The following SREK1 variants were observed in gnomAD, a reference collection of about 807,000 sequenced individuals.
The protein encoded by SREK1 is splicing regulatory glutamic acid and lysine rich protein 1.
A neutral mutation model predicts 66.5 loss-of-function variants in SREK1; 13 were observed. The observed-to-expected ratio is 0.20, with a 90% confidence interval of 0.13 to 0.31. SREK1 has a LOEUF of 0.31. Among genes scored for constraint, SREK1 ranks in the 10% least tolerant of loss-of-function variants. The pLI is 1.00. For missense variants in SREK1, 607 were observed against 769.6 expected, an observed-to-expected ratio of 0.79 and a Z score of 2.50; for synonymous variants, 265 against 263.5, an observed-to-expected ratio of 1.01 and a Z score of -0.05.
chr5:66,162,303 A>C (rs1228500126), intron 4 of SREK1, 30 bp downstream of exon 4: 1 of 1,612,346 alleles, frequency 6.2e-7, no homozygotes, highest in East Asian at 2.2e-5. Flanking sequence ...ACAAAGCAGC[A>C]GTAGCCCTTA....
intron 11 of SREK1, among the ~76,000 whole-genome samples, chr5:66,177,927 A>G (rs1746193769): frequency 1.3e-5 from 2 of 152,100 alleles, no homozygotes; most frequent in South Asian, 4.1e-4. Context: ...AATGTATTTG[A>G]TTTTATGTAG....
chr5:66,145,071 TTATC>T lies in SREK1; in HGVS notation c.161+537_161+540del, dbSNP rs1027987028. The T allele has an allele frequency of 2.8e-5, 28 of 985,864 alleles. 1 individual carries two copies. The African/African-American group carries it at 3.5e-4, about 12-fold the overall frequency. 61.1% of individuals were successfully genotyped at this position (985,864 alleles called of 1,614,324 possible). A position where few individuals can be genotyped will look rare whatever the true frequency, so the allele number is the denominator to read the frequency against. ...GGTCGCACAAACTTAGCATTTTGGT[TTATC>T]TAACCGAGCGCATCCATGTTCCCAA... On this transcript the variant is annotated intron_variant, in intron 1 of 11. Transcript: ENST00000334121.
chr5:66,148,704 C>T (rs1044174454), intron 1 of SREK1, among the ~76,000 whole-genome samples: 6 of 151,876 alleles, frequency 4.0e-5, no homozygotes, highest in Non-Finnish European at 8.8e-5. Context: ...TTAAGCAGTC[C>T]GCCTGCTTTG....
rs948048599 is a variant in SREK1, at chr5:66,181,867, A to G, written c.*2999A>G. On this transcript the variant is annotated 3_prime_UTR_variant, in exon 12 of 12. Coordinates refer to ENST00000334121, the MANE Select transcript of SREK1 (RefSeq NM_001077199.3). The stretch of plus-strand genomic sequence containing the variant: ...TTTTGACCTGCTCAATTAAAAATAA[A>G]CACTGGCGTTTATAATGAAAAGGTT... 6 of 133,938 alleles carry G rather than the reference A, an allele frequency of 4.5e-5. No homozygotes were observed. The highest frequency in any genetic ancestry group is 1.6e-4 in the African/African-American group (6 of 36,768). 8.3% of individuals were successfully genotyped at this position (133,938 alleles called of 1,614,324 possible).
intron 6 of SREK1, 37 bp from the exon 7 acceptor site, chr5:66,164,746 T>C (rs1183131567): frequency 2.5e-6 from 4 of 1,613,698 alleles, no homozygotes; most frequent in Non-Finnish European, 3.4e-6. Context: ...CTTTAATTGT[T>C]CTGAGCTTAC....
intron 1 of SREK1, among the ~76,000 whole-genome samples, chr5:66,145,822 A>T (rs1212658215): frequency 6.7e-6 from 1 of 149,464 alleles, no homozygotes; most frequent in Non-Finnish European, 1.5e-5. Flanking sequence ...TATGCCAAGT[A>T]ATCCATGTAT....
intron 1 of SREK1, among the ~76,000 whole-genome samples, chr5:66,151,966 C>T (rs948895208): frequency 6.6e-5 from 10 of 151,404 alleles, no homozygotes; most frequent in Non-Finnish European, 8.8e-5. Context: ...CTGCCTCAGC[C>T]TCCTGAGTAG....
intron 1 of SREK1, among the ~76,000 whole-genome samples, chr5:66,150,218 A>C (rs143923693): frequency 4.7e-4 from 71 of 152,344 alleles, no homozygotes; most frequent in Non-Finnish European, 9.1e-4. Flanking sequence ...TGAGGGTTTC[A>C]CATGAGGAAA....
chr5:66,151,834 C>CTTTTTTTTTT (rs60920757), intron 1 of SREK1, among the ~76,000 whole-genome samples: 1 of 84,780 alleles, frequency 1.2e-5, no homozygotes, highest in African/African-American at 4.2e-5. Flanking sequence ...GAGGTACATC[C>CTTTTTTTTTT]TTTTTTTTTT....
Position 66,161,670 on chromosome 5 carries a change from A to G in SREK1, c.412-439A>G, listed in dbSNP as rs1027286781. ...TTCAGTGTTAATGAATCGACAATAT[A>G]TAACAGCTAAGGTGTCTTTAAACAG... On this transcript the variant is annotated intron_variant, in intron 3 of 11. Coordinates refer to ENST00000334121, the MANE Select transcript of SREK1 (RefSeq NM_001077199.3). 2.0e-5 allele frequency among the ~76,000 whole-genome samples: 3 copies of G among 152,266 alleles called. No homozygotes were observed. The East Asian group carries it at 5.8e-4, about 29-fold the overall frequency.
rs72770236 is a variant in SREK1, at chr5:66,159,313, G to C, written c.390G>C (p.Pro130=). The C allele has an allele frequency of 6.2e-7, 1 of 1,611,684 alleles. No individual in the cohort carries two copies. Among genetic ancestry groups the C allele is most frequent in the Non-Finnish European group, 8.5e-7 (1 of 1,178,994 alleles). Residue 130 remains proline, a synonymous_variant, in exon 3 of 12, where the codon CCG becomes CCC. Transcript: ENST00000334121. ...CTGGTGCAGGATTGCTTCCAATACC[G>C]ACCCCAAATCCTTTGACTACTGTAA... ...LMPGAGLLPI[P]TPNPLTTLGV...
At chr5:66,161,787 A>G (rs1412774856) in intron 3 of SREK1, among the ~76,000 whole-genome samples, 1 of 152,254 alleles carries the variant, frequency 6.6e-6, no homozygotes, top group Non-Finnish European at 1.5e-5. Flanking sequence ...TTCCCTAGGA[A>G]TAATGGTTCA....
chr5:66,164,692 C>G (rs1561506703), intron 6 of SREK1, 91 bp from the exon 7 acceptor site: 1 of 1,608,602 alleles, frequency 6.2e-7, no homozygotes, highest in Non-Finnish European at 8.5e-7. Flanking sequence ...GCCCCTTGCA[C>G]TATATGTGGT....
intron 3 of SREK1, among the ~76,000 whole-genome samples, chr5:66,161,146 GT>G (rs761704904): frequency 1.2e-4 from 19 of 152,148 alleles, no homozygotes; most frequent in Middle Eastern, 3.2e-3. Flanking sequence ...TGAGGATTAA[GT>G]TACTACCTCA....
chr5:66,149,545 G>A (rs1326746815), intron 1 of SREK1, among the ~76,000 whole-genome samples: 1 of 152,170 alleles, frequency 6.6e-6, no homozygotes, highest in East Asian at 1.9e-4. Context: ...TCCTATTCCT[G>A]TGGATGTTTT....
At chr5:66,157,778 ATAG>A (rs1350489998) in intron 2 of SREK1, 21 of 886,026 alleles carry the variant, frequency 2.4e-5, no homozygotes, top group Non-Finnish European at 2.8e-5. Context: ...AAGGTAGAAA[ATAG>A]TAGGTTTTAT....
chr5:66,154,192 A>C (rs901585457), intron 2 of SREK1, among the ~76,000 whole-genome samples: 28 of 152,250 alleles, frequency 1.8e-4, no homozygotes, highest in African/African-American at 6.8e-4. Flanking sequence ...CAATTTTCCA[A>C]AGCCTCCATG....
Position 66,162,131 on chromosome 5 carries a change from T to G in SREK1, c.434T>G (p.Leu145Trp). The G allele has an allele frequency of 6.2e-7, 1 of 1,613,506 alleles. No individual in the cohort carries two copies. The highest frequency in any genetic ancestry group is 2.2e-5 in the East Asian group (1 of 44,866). ...TAGCTTGGTGTTTCACTTAGCAGTT[T>G]GGGAGCTATACCAGCAGCAGCACTA... The part of the protein sequence containing the change: ...LTTLGVSLSS[L>W]GAIPAAALDP... The change falls in exon 4 of 12, where the codon TTG (leucine) becomes TGG (tryptophan). Residue 145 changes from leucine to tryptophan, a missense_variant. Leu to Trp is a moderately conservative substitution (Grantham distance 61). This residue lies in a region of SREK1 where 99 missense variants were observed against 186.6 expected (regional missense o/e 0.53). Coordinates refer to ENST00000334121, the MANE Select transcript of SREK1 (RefSeq NM_001077199.3).
chr5:66,161,977 C>A, intron 3 of SREK1, 132 bp from the exon 4 acceptor site: 1 of 962,038 alleles, frequency 1.0e-6, no homozygotes. Context: ...ATATATATGA[C>A]TGAAAGTTCG....
Sources: gnomAD v4.1 joint callset for allele counts (sites outside exome capture counted in the v4.1 genomes callset) on GRCh38, gnomAD v4.1.1 for gene constraint, gnomAD v4.1.1 regional missense constraint, MANE v1.5 for transcripts, NCBI Gene and HGNC (gene_info 2026-07-23, HGNC 2026-07-21) for gene names.